GPATCH2: variants seen among roughly 807,000 people sequenced by gnomAD.
GPATCH2 encodes G-patch domain containing 2.
GPATCH2 carries 51 observed loss-of-function variants against 58.0 expected under a neutral mutation model. The ratio of observed to expected loss-of-function variants is 0.88; its 90% CI spans 0.70 to 1.11. The LOEUF is 1.11. Ranked by LOEUF, GPATCH2 falls within the 50% of genes most tolerant of loss-of-function variation. The probability of loss-of-function intolerance (pLI) is 0.00; values close to 1 mark genes in which losing one functional copy is unlikely to be tolerated. For synonymous variants in GPATCH2, 222 were observed against 218.5 expected (o/e 1.02, Z -0.14); for missense variants, 625 against 652.2 (o/e 0.96, Z 0.45).
chr1:217,592,905 G>A (rs77894690), intron 5 of GPATCH2, among the ~76,000 whole-genome samples: 2,827 of 151,972 alleles, frequency 0.019, 70 homozygotes, highest in East Asian at 0.1. Context: ...TGGAATGATA[G>A]TACAACCCCA....
At chr1:217,585,971 T>A (rs1667320595) in intron 5 of GPATCH2, among the ~76,000 whole-genome samples, 1 of 152,154 alleles carries the variant, frequency 6.6e-6, no homozygotes, top group Admixed American at 6.5e-5. Flanking sequence ...TAGACATATC[T>A]AAATACAGAA....
At chr1:217,537,151 G>C (rs1196212761) in intron 5 of GPATCH2, among the ~76,000 whole-genome samples, 2 of 152,110 alleles carry the variant, frequency 1.3e-5, no homozygotes, top group East Asian at 3.9e-4. Flanking sequence ...TTTTCATACA[G>C]ATTAGAAATC....
chr1:217,555,203 C>A (rs1665560856), intron 5 of GPATCH2, among the ~76,000 whole-genome samples: 1 of 152,104 alleles, frequency 6.6e-6, no homozygotes, highest in African/African-American at 2.4e-5. Context: ...AGTAATGCAG[C>A]AAAAGGTAAG....
chr1:217,520,717 C>A lies in GPATCH2; in HGVS notation c.1099-5828G>T, dbSNP rs530804577. ...TTTCTTGGAAGGGCTTAAGCATGAA[C>A]AAACTGACAAAGAATGTGTAATAAT... On this transcript the variant is annotated intron_variant, in intron 5 of 9. Transcript: ENST00000366935. Among the ~76,000 whole-genome samples the A allele has an allele frequency of 2.8e-3, 425 of 152,100 alleles. 5 individuals are homozygous for A. Among genetic ancestry groups the A allele is most frequent in the African/African-American group, 9.8e-3 (408 of 41,482 alleles).
intron 5 of GPATCH2, among the ~76,000 whole-genome samples, chr1:217,560,831 C>T (rs75575507): frequency 0.015 from 2,348 of 152,188 alleles, 24 homozygotes; most frequent in Non-Finnish European, 0.024. Flanking sequence ...TCTCCCATGG[C>T]GGTTATATTT....
chr1:217,449,451 G>A (rs1307329608), intron 8 of GPATCH2, 114 bp from the exon 9 acceptor site: 5 of 672,956 alleles, frequency 7.4e-6, no homozygotes, highest in South Asian at 3.5e-5. Context: ...ATGGAGCTGC[G>A]TAGTAAAATC....
At chr1:217,457,456 C>T (rs886392417) in intron 8 of GPATCH2, among the ~76,000 whole-genome samples, 1 of 152,166 alleles carries the variant, frequency 6.6e-6, no homozygotes, top group Non-Finnish European at 1.5e-5. Flanking sequence ...TATTCAATAA[C>T]TGTTAGCTAT....
chr1:217,513,151 G>C (rs932030210), intron 6 of GPATCH2, among the ~76,000 whole-genome samples: 3 of 152,104 alleles, frequency 2.0e-5, no homozygotes, highest in African/African-American at 7.2e-5. Context: ...TTAGCCAGGC[G>C]TGGTGGCACA....
intron 5 of GPATCH2, among the ~76,000 whole-genome samples, chr1:217,583,597 A>C (rs1667181140): frequency 6.6e-6 from 1 of 150,842 alleles, no homozygotes; most frequent in African/African-American, 2.4e-5. Flanking sequence ...AAAAAGATAG[A>C]AGACTAATAA....
intron 8 of GPATCH2, among the ~76,000 whole-genome samples, chr1:217,460,311 T>C (rs1040827235): frequency 7.9e-5 from 12 of 152,226 alleles, no homozygotes; most frequent in African/African-American, 2.9e-4. Flanking sequence ...CAACGTACTT[T>C]ATTATAACCT....
At chr1:217,559,272 T>C (rs1382586325) in intron 5 of GPATCH2, among the ~76,000 whole-genome samples, 1 of 151,648 alleles carries the variant, frequency 6.6e-6, no homozygotes, top group East Asian at 1.9e-4. Flanking sequence ...TCTCAAACAC[T>C]ATACTATGCC....
At chr1:217,486,848 A>G (rs1301088363) in intron 8 of GPATCH2, among the ~76,000 whole-genome samples, 1 of 152,214 alleles carries the variant, frequency 6.6e-6, no homozygotes, top group Non-Finnish European at 1.5e-5. Context: ...AGAGAGGAGC[A>G]GGACTAATTC....
intron 8 of GPATCH2, among the ~76,000 whole-genome samples, chr1:217,465,812 A>C (rs769919385): frequency 6.6e-6 from 1 of 152,234 alleles, no homozygotes; most frequent in African/African-American, 2.4e-5. Flanking sequence ...CTACTAAAAA[A>C]GGATAACTTC....
rs1274259992 is a variant in GPATCH2 at position 217,429,960 on chromosome 1, T to C, written c.*1185A>G. 1.6e-5 allele frequency: 2 copies of C among 124,722 alleles called. No individual in the cohort carries two copies. Among genetic ancestry groups the C allele is most frequent in the Non-Finnish European group, 3.5e-5 (2 of 57,358 alleles). 7.7% of individuals were successfully genotyped at this position (124,722 alleles called of 1,614,324 possible). On this transcript the variant is annotated 3_prime_UTR_variant, in exon 10 of 10. Transcript: ENST00000366935. Reference sequence around the variant, plus strand: ...CCAGCAAAGGCCATTATAAATAGAATGATAATAATCATCATCATAATAAGT... The same window carrying C: ...CCAGCAAAGGCCATTATAAATAGAACGATAATAATCATCATCATAATAAGT...
chr1:217,536,317 A>T (rs1246192117), intron 5 of GPATCH2, among the ~76,000 whole-genome samples: 2 of 152,226 alleles, frequency 1.3e-5, no homozygotes, highest in Non-Finnish European at 1.5e-5. Context: ...GTAAGGATTA[A>T]AAAGAGAAAA....
Position 217,624,415 on chromosome 1 carries a change from G to A in GPATCH2, c.57-3916C>T, listed in dbSNP as rs1335547625. Among the ~76,000 whole-genome samples, 6 of 152,338 alleles carry A rather than the reference G, an allele frequency of 3.9e-5. 1 individual carries two copies. The South Asian group carries it at 1.0e-3, about 26-fold the overall frequency. ...TGCCTGTAATCTCAGCTACTCAGGA[G>A]GCTGAGGCAGGAGAATCACTTGAAC... On this transcript the variant is annotated intron_variant, in intron 1 of 9. Coordinates refer to ENST00000366935, the MANE Select transcript of GPATCH2 (RefSeq NM_018040.5).
chr1:217,594,043 TACAAGTATTAG>T (rs1417212312), intron 5 of GPATCH2, among the ~76,000 whole-genome samples: 7 of 152,138 alleles, frequency 4.6e-5, no homozygotes, highest in Non-Finnish European at 1.5e-5. Flanking sequence ...AAGATACTGT[TACAAGTATTAG>T]AATAATACAG....
Position 217,429,865 on chromosome 1 carries a change from T to C in GPATCH2, c.*1280A>G, listed in dbSNP as rs1462167747. 2.0e-5 allele frequency: 3 copies of C among 151,050 alleles called. No individual in the cohort carries two copies. Among genetic ancestry groups the C allele is most frequent in the Admixed American group, 6.6e-5 (1 of 15,112 alleles). The allele number at this position is 151,050 out of a possible 1,614,324, so 9.4% of individuals were successfully genotyped here. A position where few individuals can be genotyped will look rare whatever the true frequency, so the allele number is the denominator to read the frequency against. ...AAAAAAAGAAACAAAAAAACTCTTT[T>C]GGAAAGTGACAAGATTTTAAAAACC... is the stretch of plus-strand genomic sequence containing the variant. On this transcript the variant is annotated 3_prime_UTR_variant, in exon 10 of 10. Transcript: ENST00000366935.
intron 8 of GPATCH2, among the ~76,000 whole-genome samples, chr1:217,488,465 G>C (rs1001819165): frequency 2.0e-5 from 3 of 151,862 alleles, no homozygotes; most frequent in African/African-American, 7.2e-5. Context: ...TTTAAAACTT[G>C]GTAAAGTTTT....
Sources: gnomAD v4.1 joint callset for allele counts (sites outside exome capture counted in the v4.1 genomes callset) on GRCh38, gnomAD v4.1.1 for gene constraint, MANE v1.5 for transcripts, NCBI Gene and HGNC (gene_info 2026-07-23, HGNC 2026-07-21) for gene names.